HS3ST5: variants seen among roughly 807,000 people sequenced by gnomAD.
HS3ST5 encodes the protein heparan sulfate-glucosamine 3-sulfotransferase 5.
A neutral mutation model predicts 25.4 loss-of-function variants in HS3ST5; 10 were observed. The observed-to-expected ratio is 0.39, with a 90% confidence interval of 0.24 to 0.67. The LOEUF is 0.67. Ranked by LOEUF, HS3ST5 falls within the 30% of genes least tolerant of loss-of-function variation. The pLI is 0.44. For synonymous variants in HS3ST5, 170 were observed against 162.4 expected (o/e 1.05, Z -0.36); for missense variants, 324 against 420.7 (o/e 0.77, Z 2.01).
At chr6:114,232,903 TA>T (rs1326142574) in intron 1 of HS3ST5, among the ~76,000 whole-genome samples, 7 of 152,108 alleles carry the variant, frequency 4.6e-5, no homozygotes, top group Non-Finnish European at 8.8e-5. Context: ...AGTGATCTTT[TA>T]AAAAAACACA....
At chr6:114,333,583 C>T (rs556178157) in intron 1 of HS3ST5, among the ~76,000 whole-genome samples, 12 of 151,736 alleles carry the variant, frequency 7.9e-5, no homozygotes, top group Non-Finnish European at 5.9e-5. Context: ...GATAAACAAC[C>T]GATTAAGAAA....
intron 1 of HS3ST5, among the ~76,000 whole-genome samples, chr6:114,276,941 A>T (rs918541773): frequency 2.0e-5 from 3 of 151,994 alleles, no homozygotes; most frequent in African/African-American, 7.2e-5. Context: ...GTTGGAAGAT[A>T]TTATGATCAT....
intron 3 of HS3ST5, among the ~76,000 whole-genome samples, chr6:114,132,622 G>A (rs1367520825): frequency 3.9e-5 from 6 of 152,142 alleles, no homozygotes; most frequent in Non-Finnish European, 1.5e-5. Flanking sequence ...GAGATTGCCT[G>A]GTCCAAGTGA....
intron 2 of HS3ST5, among the ~76,000 whole-genome samples, chr6:114,172,929 T>C (rs993939948): frequency 1.3e-5 from 2 of 152,180 alleles, no homozygotes; most frequent in African/African-American, 4.8e-5. Context: ...ATAAAACTGA[T>C]AATTCTTTTG....
At chr6:114,207,063 TC>T (rs1781303285) in intron 2 of HS3ST5, among the ~76,000 whole-genome samples, 1 of 152,194 alleles carries the variant, frequency 6.6e-6, no homozygotes, top group Non-Finnish European at 1.5e-5. Context: ...GCTATTCAAT[TC>T]ACATTTCCCT....
At chr6:114,173,559 A>T (rs1018932506) in intron 2 of HS3ST5, among the ~76,000 whole-genome samples, 6 of 152,246 alleles carry the variant, frequency 3.9e-5, no homozygotes, top group African/African-American at 1.4e-4. Context: ...TAAATTGTAA[A>T]TTTCAAAATC....
chr6:114,339,206 A>G (rs1380101463), intron 1 of HS3ST5, among the ~76,000 whole-genome samples: 2 of 152,168 alleles, frequency 1.3e-5, no homozygotes, highest in Non-Finnish European at 2.9e-5. Flanking sequence ...ACACAACTCT[A>G]GTGTTACTGC....
rs1171260762 is a variant in HS3ST5, at chr6:114,056,116, G to A, written c.*1141C>T. On this transcript the variant is annotated 3_prime_UTR_variant, in exon 5 of 5. Coordinates refer to ENST00000312719, the MANE Select transcript of HS3ST5 (RefSeq NM_153612.4). ...TCTACTGGTCTGACTCTGATTAGAG[G>A]TTCAAATAAAATGGTGATTCTTCTA... The A allele has an allele frequency of 6.6e-6, 1 of 152,144 alleles. No individual in the cohort carries two copies. Among genetic ancestry groups the A allele is most frequent in the African/African-American group, 2.4e-5 (1 of 41,424 alleles). The allele number at this position is 152,144 out of a possible 1,614,324, so 9.4% of individuals were successfully genotyped here.
intron 1 of HS3ST5, among the ~76,000 whole-genome samples, chr6:114,270,731 A>C (rs1773601170): frequency 6.6e-6 from 1 of 152,134 alleles, no homozygotes; most frequent in Non-Finnish European, 1.5e-5. Context: ...GGCTTTGTCC[A>C]GCTCTAAGTT....
intron 1 of HS3ST5, among the ~76,000 whole-genome samples, chr6:114,289,878 C>T (rs1408787729): frequency 1.3e-5 from 2 of 152,030 alleles, no homozygotes; most frequent in African/African-American, 4.8e-5. Context: ...TTTTCATTTA[C>T]CACAGTTTTA....
At chr6:114,313,025 GAAAAAAAAAAAAAAAA>G (rs5879258) in intron 1 of HS3ST5, among the ~76,000 whole-genome samples, 5 of 16,126 alleles carry the variant, frequency 3.1e-4, no homozygotes, top group Admixed American at 9.9e-4. Flanking sequence ...CCCTGCATCA[GAAAAAAAAAAAAAAAA>G]AAAAAAAAAA....
intron 3 of HS3ST5, among the ~76,000 whole-genome samples, chr6:114,142,577 G>A (rs926949247): frequency 2.6e-5 from 4 of 152,160 alleles, no homozygotes; most frequent in Non-Finnish European, 5.9e-5. Context: ...CAAAATGTTT[G>A]TAAAGATGAA....
At chr6:114,323,922 G>A (rs1399750250) in intron 1 of HS3ST5, among the ~76,000 whole-genome samples, 7 of 152,146 alleles carry the variant, frequency 4.6e-5, no homozygotes, top group Admixed American at 3.9e-4. Flanking sequence ...CACTGAGTCA[G>A]AGGGTGAGTA....
At chr6:114,154,475 T>C (rs73536675) in intron 3 of HS3ST5, among the ~76,000 whole-genome samples, 1 of 152,112 alleles carries the variant, frequency 6.6e-6, no homozygotes, top group Non-Finnish European at 1.5e-5. Flanking sequence ...CTGGGCAACA[T>C]AGCAAGACTC....
At chr6:114,115,782 CAGAT>C (rs1459892596) in intron 3 of HS3ST5, among the ~76,000 whole-genome samples, 2 of 151,874 alleles carry the variant, frequency 1.3e-5, no homozygotes, top group African/African-American at 4.8e-5. Context: ...TGGTAAATGA[CAGAT>C]AGAGTTCAAT....
intron 2 of HS3ST5, among the ~76,000 whole-genome samples, chr6:114,185,016 T>C (rs1259769177): frequency 6.6e-6 from 1 of 152,198 alleles, no homozygotes; most frequent in Non-Finnish European, 1.5e-5. Flanking sequence ...TGCCTCAAGA[T>C]GAATCATTCC....
intron 3 of HS3ST5, among the ~76,000 whole-genome samples, chr6:114,071,820 T>C (rs938032243): frequency 3.3e-5 from 5 of 152,364 alleles, no homozygotes; most frequent in African/African-American, 1.2e-4. Context: ...ATTCGCTGAT[T>C]GTTAATGTTT....
At chr6:114,161,125 G>T (rs937763169) in intron 3 of HS3ST5, among the ~76,000 whole-genome samples, 2 of 151,930 alleles carry the variant, frequency 1.3e-5, no homozygotes, top group Admixed American at 6.6e-5. Context: ...TTCCTAGATG[G>T]TGTTTGCCAT....
rs9374445 is a variant in HS3ST5 at position 114,233,943 on chromosome 6, T to C, written c.-338-5165A>G. The stretch of plus-strand genomic sequence containing the variant: ...GGGAACATAAAAGCAATGAAAACAG[T>C]TGGGCTGGGAATGTATTTTGTTAAA... On this transcript the variant is annotated intron_variant, in intron 1 of 4. Coordinates refer to ENST00000312719, the MANE Select transcript of HS3ST5 (RefSeq NM_153612.4). Among the ~76,000 whole-genome samples, 7 of 152,126 alleles carry C rather than the reference T, an allele frequency of 4.6e-5. No individual in the cohort carries two copies. In the East Asian group the frequency reaches 1.4e-3, roughly 29 times the overall value.
Sources: allele counts gnomAD v4.1 joint callset (sites outside exome capture counted in the v4.1 genomes callset), GRCh38; gene constraint gnomAD v4.1.1; transcripts MANE v1.5; gene names NCBI Gene and HGNC (gene_info 2026-07-23, HGNC 2026-07-21).